ZNF142: variants seen among roughly 807,000 people sequenced by gnomAD.
ZNF142 encodes zinc finger protein 142, also known as zinc finger protein 142 (clone pHZ-49).
In ZNF142, 96 loss-of-function variants were observed where a neutral mutation model predicts 132.1. The ratio of observed to expected loss-of-function variants is 0.73; its 90% CI spans 0.62 to 0.86. The LOEUF (loss-of-function observed/expected upper bound fraction) is 0.86. Ranked by LOEUF, ZNF142 falls within the 40% of genes least tolerant of loss-of-function variation. The pLI is 0.00. For missense variants in ZNF142, 2,163 were observed against 2,336.2 expected (o/e 0.93, Z 1.53); for synonymous variants, 842 against 890.1 (o/e 0.95, Z 0.96).
rs2106210569 is a variant in ZNF142 at position 218,643,030 on chromosome 2, G to C, written c.4086C>G (p.Ala1362=). The change falls in exon 9 of 11, where the codon GCC becomes GCG. Residue 1362 remains alanine (A), a synonymous_variant. Transcript: ENST00000411696. ...LHQKRRHPTA[A]PARGPRPHLQ... is the part of the protein sequence containing the mutation. The stretch of plus-strand genomic sequence containing the variant: ...GATGGGGCCGGGGCCCACGGGCTGG[G>C]GCTGCAGTGGGGTGCCTCCGCTTCT... 3 of 1,600,538 alleles carry C rather than the reference G, an allele frequency of 1.9e-6. No homozygotes were observed. Among genetic ancestry groups the C allele is most frequent in the Non-Finnish European group, 2.6e-6 (3 of 1,172,894 alleles).
rs1444846966 is a variant in ZNF142, at chr2:218,652,226, C to G, written c.355G>C (p.Ala119Pro). 2.2e-6 allele frequency: 1 copy of G among 456,676 alleles called. No homozygotes were observed. The highest frequency in any genetic ancestry group is 2.0e-5 in the African/African-American group (1 of 50,062). The allele number at this position is 456,676 out of a possible 1,614,324, so 28.3% of individuals were successfully genotyped here. Residue 119 changes from alanine (A) to proline (P), a missense_variant, in exon 5 of 11, where the codon GCC (alanine) becomes CCC (proline). Coordinates refer to ENST00000411696, the MANE Select transcript of ZNF142 (RefSeq NM_001379659.1). ...EQSFAEPTLL[A>P]LHQCSETHIQ... ...TGGGTCTCACTGCACTGGTGCAGGG[C>G]CAGCAGAGTGGGCTCTGCGAAGCTC...
At chr2:218,649,581 A>G in intron 6 of ZNF142, 122 bp from the exon 7 acceptor site, 2 of 922,398 alleles carry the variant, frequency 2.2e-6, no homozygotes, top group South Asian at 1.8e-5. Context: ...AAACCAAGCA[A>G]AAGGGTCTCA....
chr2:218,637,110 C>T lies in ZNF142; in HGVS notation c.*1229G>A. ...CGACTCTTAAGAGAACACTGCACAG[C>T]ACTCAAAGTCCCCCACTGGACTGCT... is the stretch of plus-strand genomic sequence containing the variant. On this transcript the variant is annotated 3_prime_UTR_variant, in exon 11 of 11. Transcript: ENST00000411696. The T allele has an allele frequency of 5.9e-6, 2 of 338,102 alleles. No homozygotes were observed. The highest frequency in any genetic ancestry group is 1.2e-5 in the Non-Finnish European group (2 of 171,842). 20.9% of individuals were successfully genotyped at this position (338,102 alleles called of 1,614,324 possible).
chr2:218,653,290 A>T (rs574372549), intron 4 of ZNF142, among the ~76,000 whole-genome samples: 2,209 of 141,340 alleles, frequency 0.016, 46 homozygotes, highest in African/African-American at 0.051. Flanking sequence ...AAAAAAAAAA[A>T]TTTCAGGCCG....
Position 218,633,985 on chromosome 2 carries a change from A to G in ZNF142, c.*4354T>C. Reference sequence around the variant, plus strand: ...TGGACAGAGTAGAGAGGCACAGTGAAACTTTCTGGAGCCAGCTTCAGATGC... The same window carrying G: ...TGGACAGAGTAGAGAGGCACAGTGAGACTTTCTGGAGCCAGCTTCAGATGC... On this transcript the variant is annotated 3_prime_UTR_variant, in exon 11 of 11. Coordinates refer to ENST00000411696, the MANE Select transcript of ZNF142 (RefSeq NM_001379659.1). The G allele has an allele frequency of 7.1e-7, 1 of 1,405,340 alleles. No homozygotes were observed. Among genetic ancestry groups the G allele is most frequent in the Non-Finnish European group, 9.7e-7 (1 of 1,034,720 alleles). The allele number at this position is 1,405,340 out of a possible 1,614,324, so 87.1% of individuals were successfully genotyped here.
In ZNF142 at chr2:218,644,826, T is replaced by C. The variant is rs780893784; in HGVS notation, c.2290A>G (p.Asn764Asp). ...RHKQAVLSHENCKHTRLREFH... is the reference protein window; with the variant it reads ...RHKQAVLSHEDCKHTRLREFH... ...TCACGGAGGCGGGTATGCTTGCAGT[T>C]CTCATGGCTCAGCACAGCCTGCTTG... Residue 764 changes from asparagine (N) to aspartate (D), a missense_variant, in exon 9 of 11, where the codon AAC becomes GAC. Physicochemically the swap from Asn to Asp is conservative, Grantham distance 23. Coordinates refer to ENST00000411696, the MANE Select transcript of ZNF142 (RefSeq NM_001379659.1). This position sits in a 1 kb window ranked among gnomAD's most constrained non-coding sequence, Gnocchi z 4.6. The C allele has an allele frequency of 6.2e-7, 1 of 1,614,196 alleles. No individual in the cohort carries two copies. The highest frequency in any genetic ancestry group is 1.7e-5 in the Admixed American group (1 of 60,018).
chr2:218,644,428 G>C lies in ZNF142; in HGVS notation c.2688C>G (p.His896Gln). 6.2e-7 allele frequency: 1 copy of C among 1,614,078 alleles called. No individual in the cohort carries two copies. Among genetic ancestry groups the C allele is most frequent in the Non-Finnish European group, 8.5e-7 (1 of 1,179,992 alleles). ...CCAGCTCTACTCCCAGGGCCTCTAG[G>C]TGTAGTGTGCAGCTGCCCTCCTCCA... Reference protein sequence around the residue: ...AEVEEGSCTLHLEALGVELES... With the variant: ...AEVEEGSCTLQLEALGVELES... Residue 896 changes from histidine (H) to glutamine (Q), a missense_variant, in exon 9 of 11, where the codon CAC becomes CAG. Transcript: ENST00000411696. The surrounding 1 kb of genome is among the most constrained non-coding windows in gnomAD (Gnocchi z 4.6).
intron 5 of ZNF142, among the ~76,000 whole-genome samples, chr2:218,651,080 G>A (rs1183673550): frequency 1.3e-5 from 2 of 149,800 alleles, no homozygotes; most frequent in East Asian, 2.0e-4. Context: ...TCCACCTCCT[G>A]AGCTCAAGTG....
Position 218,649,314 on chromosome 2 carries a change from C to T in ZNF142, c.1194G>A (p.Lys398=). ...DPSLQCPNCQ[K]FFTSKSKLKT... is the part of the protein sequence containing the mutation. The stretch of plus-strand genomic sequence containing the variant: ...TGAGCTTGCTCTTACTGGTGAAGAA[C>T]TTCTGGCAGTTAGGGCACTGGAGGC... The change falls in exon 7 of 11, where the codon AAG becomes AAA. Residue 398 remains lysine (K), a synonymous_variant. Transcript: ENST00000411696. The T allele has an allele frequency of 3.1e-6, 5 of 1,614,234 alleles. No individual in the cohort carries two copies. Among genetic ancestry groups the T allele is most frequent in the Non-Finnish European group, 4.2e-6 (5 of 1,180,044 alleles).
Position 218,636,335 on chromosome 2 carries a change from A to C in ZNF142, c.*2004T>G. ...TTTTGTGGTAATGGATTATGACTGG[A>C]AATCCCGAAATGACTTTATTGGTCA... On this transcript the variant is annotated 3_prime_UTR_variant, in exon 11 of 11. Transcript: ENST00000411696. 1 of 1,614,032 alleles carries C rather than the reference A, an allele frequency of 6.2e-7. No homozygotes were observed. Among genetic ancestry groups the C allele is most frequent in the Non-Finnish European group, 8.5e-7 (1 of 1,179,910 alleles).
At position 218,643,361 on chromosome 2, in the gene ZNF142, C is replaced by A. The variant is rs935141541; in HGVS notation, c.3755G>T (p.Gly1252Val). The change falls in exon 9 of 11, where the codon GGA becomes GTA. Residue 1252 changes from glycine to valine, a missense_variant. Coordinates refer to ENST00000411696, the MANE Select transcript of ZNF142 (RefSeq NM_001379659.1). Reference sequence around the variant, plus strand: ...CCCTCGTTTTCCTCCCCCGCCACGTCCCCCCCTGCAGCCTTCAGCCACGTG... The same window carrying A: ...CCCTCGTTTTCCTCCCCCGCCACGTACCCCCCTGCAGCCTTCAGCCACGTG... ...TSHVAEGCRG[G>V]RGGGGKRGTP... 1.9e-6 allele frequency: 3 copies of A among 1,614,128 alleles called. No individual in the cohort carries two copies. Among genetic ancestry groups the A allele is most frequent in the Middle Eastern group, 1.6e-4 (1 of 6,062 alleles).
At chr2:218,640,417 G>A (rs562473788) in intron 10 of ZNF142, among the ~76,000 whole-genome samples, 20 of 152,140 alleles carry the variant, frequency 1.3e-4, no homozygotes, top group South Asian at 2.1e-4. Flanking sequence ...GACTGACTTC[G>A]TAACACAGTC....
chr2:218,643,237 T>C lies in ZNF142; in HGVS notation c.3879A>G (p.Thr1293=). Residue 1293 remains threonine, a synonymous_variant, in exon 9 of 11, where the codon ACA becomes ACG. Coordinates refer to ENST00000411696, the MANE Select transcript of ZNF142 (RefSeq NM_001379659.1). ...CCCCCTTCTGCTTTTGAACCAGAAC[T>C]GTATCCCCATCACCAGAGCTGGACT... The part of the protein sequence containing the change: ...STESSSGDGD[T]VLVQKQKGAR... The C allele has an allele frequency of 6.2e-7, 1 of 1,614,228 alleles. No homozygotes were observed. Among genetic ancestry groups the C allele is most frequent in the Non-Finnish European group, 8.5e-7 (1 of 1,180,034 alleles).
intron 10 of ZNF142, among the ~76,000 whole-genome samples, chr2:218,639,949 G>A (rs1481428542): frequency 1.3e-5 from 2 of 149,774 alleles, no homozygotes; most frequent in Admixed American, 6.7e-5. Context: ...CCAGCTACTC[G>A]GGAGGCTAAG....
chr2:218,658,867 G>A lies in ZNF142; in HGVS notation c.-201C>T, dbSNP rs897964581. ...AGAGAAGAAATACGCTTATCTTCCG[G>A]GCAGGAGGGCTGAGGAAGAGAAAGG... On this transcript the variant is annotated 5_prime_UTR_variant, in exon 3 of 11. Coordinates refer to ENST00000411696, the MANE Select transcript of ZNF142 (RefSeq NM_001379659.1). 1 of 152,330 alleles carries A rather than the reference G, an allele frequency of 6.6e-6. No individual in the cohort carries two copies. The highest frequency in any genetic ancestry group is 1.5e-5 in the Non-Finnish European group (1 of 68,124). 9.4% of individuals were successfully genotyped at this position (152,330 alleles called of 1,614,324 possible).
chr2:218,634,697 C>A lies in ZNF142; in HGVS notation c.*3642G>T, dbSNP rs936601915. 1.9e-6 allele frequency: 3 copies of A among 1,546,810 alleles called. No individual in the cohort carries two copies. In the African/African-American group the frequency reaches 4.1e-5, roughly 21 times the overall value. On this transcript the variant is annotated 3_prime_UTR_variant, in exon 11 of 11. Coordinates refer to ENST00000411696, the MANE Select transcript of ZNF142 (RefSeq NM_001379659.1). This position sits in a 1 kb window ranked among gnomAD's most constrained non-coding sequence, Gnocchi z 4.0. ...GGGATAGAAGTGAGGGAAGAGGTGG[C>A]TAGGCCTGACCGGAATGTAGAGGCC...
In ZNF142 at chr2:218,643,628, G is replaced by C; in HGVS notation, c.3488C>G (p.Pro1163Arg). 1 of 1,554,940 alleles carries C rather than the reference G, an allele frequency of 6.4e-7. No individual in the cohort carries two copies. The highest frequency in any genetic ancestry group is 8.7e-7 in the Non-Finnish European group (1 of 1,152,924). ...EEPLATVSGS[P>R]VPPAGNSLPT... The stretch of plus-strand genomic sequence containing the variant: ...CAAGGAGTTTCCTGCAGGAGGGACT[G>C]GGGAACCAGAGACTGTGGCAAGAGG... The change falls in exon 9 of 11, where the codon CCA becomes CGA. Residue 1163 changes from proline to arginine, a missense_variant. Transcript: ENST00000411696.
chr2:218,645,838 T>C (rs560491008), intron 8 of ZNF142, among the ~76,000 whole-genome samples: 3 of 152,258 alleles, frequency 2.0e-5, no homozygotes, highest in East Asian at 1.9e-4. Context: ...TCTTGGCTCA[T>C]TGCAACCTCC....
chr2:218,650,636 A>C (rs1204741118), intron 5 of ZNF142, 110 bp from the exon 6 acceptor site: 2 of 1,113,710 alleles, frequency 1.8e-6, no homozygotes, highest in Admixed American at 2.7e-5. Context: ...CTTTTAGCAT[A>C]AGGAGATCTT....
Sources: gnomAD v4.1 joint callset for allele counts (sites outside exome capture counted in the v4.1 genomes callset) on GRCh38, gnomAD v4.1.1 for gene constraint, Gnocchi (gnomAD v3.1) non-coding constraint, MANE v1.5 for transcripts, NCBI Gene and HGNC (gene_info 2026-07-23, HGNC 2026-07-21) for gene names.